SMAD9: variants seen among roughly 807,000 people sequenced by gnomAD.
SMAD9 encodes the protein MAD homolog 9.
Under a neutral mutation model 46.1 loss-of-function variants are expected in SMAD9, and 36 were observed. That is an observed-to-expected ratio of 0.78 (90% CI 0.60 to 1.03). The LOEUF (loss-of-function observed/expected upper bound fraction) is 1.03, where lower values mean the gene tolerates loss of function less well. SMAD9 is among the 50% of genes least tolerant of loss of function. The pLI is 0.00. For synonymous variants in SMAD9, 245 were observed against 237.1 expected (o/e 1.03, Z -0.31); for missense variants, 572 against 599.8 (o/e 0.95, Z 0.48).
intron 2 of SMAD9, among the ~76,000 whole-genome samples, chr13:36,875,759 T>C (rs1402004039): frequency 6.6e-6 from 1 of 152,234 alleles, no homozygotes; most frequent in Admixed American, 6.5e-5. Context: ...ATCTACGGTA[T>C]ATTCCTAACA....
intron 1 of SMAD9, among the ~76,000 whole-genome samples, chr13:36,892,305 T>C (rs1399282445): frequency 6.6e-6 from 1 of 152,132 alleles, no homozygotes; most frequent in East Asian, 1.9e-4. Context: ...GATGAACAAG[T>C]AGATTTTTAT....
At chr13:36,874,888 T>A (rs1478775828) in intron 2 of SMAD9, among the ~76,000 whole-genome samples, 3 of 124,900 alleles carry the variant, frequency 2.4e-5, no homozygotes, top group Non-Finnish European at 5.6e-5. Flanking sequence ...AATACATATA[T>A]ATATATGTAT....
chr13:36,846,124 T>C lies in SMAD9; in HGVS notation c.*2552A>G, dbSNP rs959676022. The C allele has an allele frequency of 6.7e-6, 1 of 148,724 alleles. No individual in the cohort carries two copies. The highest frequency in any genetic ancestry group is 1.5e-5 in the Non-Finnish European group (1 of 66,820). The allele number at this position is 148,724 out of a possible 1,614,324, so 9.2% of individuals were successfully genotyped here. ...ATAGGAATGAGCCACTGCATCCAGATTTTTTTTTTGTTTTTAATGTCATTT... is the reference window on the plus strand; with the variant it reads ...ATAGGAATGAGCCACTGCATCCAGACTTTTTTTTTGTTTTTAATGTCATTT... On this transcript the variant is annotated 3_prime_UTR_variant, in exon 7 of 7. Transcript: ENST00000379826.
intron 1 of SMAD9, among the ~76,000 whole-genome samples, chr13:36,918,308 TGA>T (rs1593638232): frequency 2.6e-5 from 4 of 152,326 alleles, no homozygotes; most frequent in Admixed American, 1.3e-4. Flanking sequence ...CTGATAAACA[TGA>T]GTTTGTTCAG....
At chr13:36,855,320 C>T (rs2058114062) in intron 5 of SMAD9, among the ~76,000 whole-genome samples, 1 of 150,692 alleles carries the variant, frequency 6.6e-6, no homozygotes, top group African/African-American at 2.4e-5. Context: ...ATTTCCATTC[C>T]AAATTAAATT....
At chr13:36,849,980 T>C (rs1215107384) in intron 6 of SMAD9, 1 of 152,310 alleles carries the variant, frequency 6.6e-6, no homozygotes, top group Non-Finnish European at 1.5e-5. Flanking sequence ...TACTGCCCTA[T>C]GTTTTTATCC....
intron 1 of SMAD9, among the ~76,000 whole-genome samples, chr13:36,902,422 T>C (rs1289354091): frequency 6.6e-6 from 1 of 152,198 alleles, no homozygotes; most frequent in East Asian, 1.9e-4. Context: ...AGTTAAGTTT[T>C]AAAATTAGGA....
intron 3 of SMAD9, among the ~76,000 whole-genome samples, chr13:36,868,829 AG>A (rs1010727602): frequency 6.6e-6 from 1 of 152,238 alleles, no homozygotes; most frequent in African/African-American, 2.4e-5. Context: ...AATTGAAAGC[AG>A]GGTGTTATTT....
At chr13:36,899,413 G>T (rs189645089) in intron 1 of SMAD9, among the ~76,000 whole-genome samples, 173 of 152,250 alleles carry the variant, frequency 1.1e-3, no homozygotes, top group Non-Finnish European at 1.7e-3. Flanking sequence ...TGTTGATAGG[G>T]TGATTTTAAA....
chr13:36,914,011 T>C (rs1468085748), intron 1 of SMAD9, among the ~76,000 whole-genome samples: 1 of 152,150 alleles, frequency 6.6e-6, no homozygotes, highest in Non-Finnish European at 1.5e-5. Context: ...GAATTCACCT[T>C]CCCCTAGAAC....
intron 1 of SMAD9, among the ~76,000 whole-genome samples, chr13:36,886,394 G>A (rs548372347): frequency 6.6e-6 from 1 of 152,374 alleles, no homozygotes; most frequent in East Asian, 1.9e-4. Flanking sequence ...AGCCCAAATG[G>A]CGGATATGTG....
intron 1 of SMAD9, among the ~76,000 whole-genome samples, chr13:36,916,264 G>A (rs915469032): frequency 1.3e-5 from 2 of 152,184 alleles, no homozygotes; most frequent in African/African-American, 4.8e-5. Flanking sequence ...GTTTCATTGT[G>A]GTAGCCGTAT....
intron 6 of SMAD9, chr13:36,851,808 G>T (rs2058077048): frequency 2.0e-6 from 2 of 979,758 alleles, no homozygotes; most frequent in Non-Finnish European, 2.4e-6. Context: ...TTTGTCTTCT[G>T]TGTCAATTGT....
intron 1 of SMAD9, among the ~76,000 whole-genome samples, chr13:36,914,291 C>T (rs189759226): frequency 6.6e-6 from 1 of 152,030 alleles, no homozygotes; most frequent in African/African-American, 2.4e-5. Context: ...AGGCCGAGGC[C>T]GGCGGATCAT....
At chr13:36,895,748 T>A (rs1430620383) in intron 1 of SMAD9, among the ~76,000 whole-genome samples, 1 of 152,198 alleles carries the variant, frequency 6.6e-6, no homozygotes, top group South Asian at 2.1e-4. Context: ...CATAGGAAAT[T>A]CAGTGCTTTT....
At chr13:36,884,653 A>C (rs1052759885) in intron 1 of SMAD9, among the ~76,000 whole-genome samples, 3 of 152,216 alleles carry the variant, frequency 2.0e-5, no homozygotes, top group Non-Finnish European at 4.4e-5. Context: ...CAGGAGACAT[A>C]AGCTTTTTTA....
chr13:36,900,684 T>TACACACACACAC lies in SMAD9; in HGVS notation c.-187+19420_-187+19431dup, dbSNP rs58756918. 1.7e-3 allele frequency among the ~76,000 whole-genome samples: 247 copies of TACACACACACAC among 142,864 alleles called. 1 individual carries two copies. Among genetic ancestry groups the TACACACACACAC allele is most frequent in the Admixed American group, 4.0e-3 (56 of 14,018 alleles). 93.7% of individuals were successfully genotyped at this position (142,864 alleles called of 152,430 possible). A position where few individuals can be genotyped will look rare whatever the true frequency, so the allele number is the denominator to read the frequency against. ...TTACCACTAAAACTATCATTATGAC[T>TACACACACACAC]ACACACACACACACACACACACACA... is the stretch of plus-strand genomic sequence containing the variant. On this transcript the variant is annotated intron_variant, in intron 1 of 6. Coordinates refer to ENST00000379826, the MANE Select transcript of SMAD9 (RefSeq NM_001127217.3).
At chr13:36,893,868 T>C (rs1030423109) in intron 1 of SMAD9, among the ~76,000 whole-genome samples, 18 of 152,100 alleles carry the variant, frequency 1.2e-4, no homozygotes, top group Non-Finnish European at 2.1e-4. Context: ...TATACTGTCA[T>C]ATTATATTAT....
intron 1 of SMAD9, among the ~76,000 whole-genome samples, chr13:36,902,120 T>C (rs1180050833): frequency 6.6e-6 from 1 of 152,226 alleles, no homozygotes; most frequent in Non-Finnish European, 1.5e-5. Context: ...TTAGCTCTTA[T>C]GTTTAGGTTA....
Sources: allele counts gnomAD v4.1 joint callset (sites outside exome capture counted in the v4.1 genomes callset), GRCh38; gene constraint gnomAD v4.1.1; transcripts MANE v1.5; gene names NCBI Gene and HGNC (gene_info 2026-07-23, HGNC 2026-07-21).